ESR1: variants seen among roughly 807,000 people sequenced by gnomAD.
ESR1 encodes the protein estrogen receptor 1.
ESR1 carries 12 observed loss-of-function variants against 52.7 expected under a neutral mutation model. That is an observed-to-expected ratio of 0.23 (90% CI 0.15 to 0.37). The LOEUF (loss-of-function observed/expected upper bound fraction) is 0.37, where lower values mean the gene tolerates loss of function less well. ESR1 is among the 10% of genes least tolerant of loss of function. ESR1 has a pLI of 1.00. For synonymous variants in ESR1, 305 were observed against 316.8 expected, an observed-to-expected ratio of 0.96 and a Z score of 0.39; for missense variants, 584 against 779.7, an observed-to-expected ratio of 0.75 and a Z score of 2.99.
At chr6:152,014,154 C>A (rs1272557357) in intron 5 of ESR1, among the ~76,000 whole-genome samples, 3 of 152,086 alleles carry the variant, frequency 2.0e-5, no homozygotes, top group African/African-American at 7.2e-5. Flanking sequence ...GTGAGGCTTC[C>A]CCAGTCACAA....
At chr6:151,830,728 T>C (rs7761133) in intron 1 of ESR1, among the ~76,000 whole-genome samples, 45,889 of 152,042 alleles carry the variant, frequency 0.3, 9,797 homozygotes, top group African/African-American at 0.61. Flanking sequence ...CTTTTTCCAG[T>C]CTATTCTTGT....
chr6:151,714,055 G>T (rs1780834072), intron 2 of ESR1, among the ~76,000 whole-genome samples: 1 of 152,114 alleles, frequency 6.6e-6, no homozygotes, highest in Admixed American at 6.5e-5. Flanking sequence ...GTTCTCATTG[G>T]TTTCAAAGAA....
chr6:151,916,750 A>C (rs928771588), intron 3 of ESR1, among the ~76,000 whole-genome samples: 1 of 152,202 alleles, frequency 6.6e-6, no homozygotes, highest in African/African-American at 2.4e-5. Flanking sequence ...TAGATAAGAC[A>C]TAAGTTTGTC....
chr6:152,125,414 A>T (rs2053057040), exon 7 of ESR1: 2 of 1,501,360 alleles, frequency 1.3e-6, no homozygotes, highest in Non-Finnish European at 1.8e-6. Flanking sequence ...ACGTGGGGAC[A>T]TTTTGTTTTG....
At chr6:151,842,532 A>T in intron 1 of ESR1, 65 bp from the exon 2 acceptor site, 1 of 1,357,380 alleles carries the variant, frequency 7.4e-7, no homozygotes, top group South Asian at 1.2e-5. Flanking sequence ...GATCTGCTGC[A>T]TCTCCCAGAG....
chr6:151,938,826 A>G lies in ESR1; in HGVS notation c.761-5347A>G, dbSNP rs144323375. ...TGACGAGGATATTATAGTTGCTTTAACCCAAGGAGATGAAATTCAAACTGG... is the reference window on the plus strand; with the variant it reads ...TGACGAGGATATTATAGTTGCTTTAGCCCAAGGAGATGAAATTCAAACTGG... On this transcript the variant is annotated intron_variant, in intron 3 of 7. Coordinates refer to ENST00000206249, the MANE Select transcript of ESR1 (RefSeq NM_000125.4). 2.6e-5 allele frequency among the ~76,000 whole-genome samples: 4 copies of G among 152,266 alleles called. No homozygotes were observed. In the East Asian group the frequency reaches 7.7e-4, roughly 29 times the overall value.
chr6:151,850,797 T>C (rs1469429193), intron 2 of ESR1, among the ~76,000 whole-genome samples: 1 of 152,246 alleles, frequency 6.6e-6, no homozygotes, highest in Non-Finnish European at 1.5e-5. Context: ...AGCTGTTGCA[T>C]AGCTCTATTG....
chr6:151,976,903 A>G (rs1432340052), intron 4 of ESR1, among the ~76,000 whole-genome samples: 1 of 152,066 alleles, frequency 6.6e-6, no homozygotes, highest in Non-Finnish European at 1.5e-5. Flanking sequence ...TACATAGTTA[A>G]AAAAATAAAT....
At chr6:151,975,600 C>T (rs1004635965) in intron 4 of ESR1, among the ~76,000 whole-genome samples, 1 of 152,058 alleles carries the variant, frequency 6.6e-6, no homozygotes. Flanking sequence ...GGCAGAATTC[C>T]GTCCTCTTGG....
At chr6:152,106,446 A>G (rs752313365), downstream of ESR1, among the ~76,000 whole-genome samples, 2 of 152,200 alleles carry the variant, frequency 1.3e-5, no homozygotes, top group Non-Finnish European at 2.9e-5. Flanking sequence ...AAGTGGGTCT[A>G]CTAGTAACGA....
chr6:151,951,634 T>A (rs926916326), intron 4 of ESR1, among the ~76,000 whole-genome samples: 13 of 152,214 alleles, frequency 8.5e-5, no homozygotes, highest in African/African-American at 3.1e-4. Flanking sequence ...CATTTGGTTG[T>A]AATAGGACAT....
At chr6:151,700,668 CTT>C (rs34905961) in intron 1 of ESR1, among the ~76,000 whole-genome samples, 5,126 of 117,140 alleles carry the variant, frequency 0.044, 152 homozygotes, top group African/African-American at 0.14. Context: ...TTAAACTTTC[CTT>C]TTTTTTTTTT....
chr6:151,993,712 G>A (rs2041234839), intron 4 of ESR1, among the ~76,000 whole-genome samples: 1 of 152,110 alleles, frequency 6.6e-6, no homozygotes, highest in African/African-American at 2.4e-5. Context: ...AAACAACCTG[G>A]GAGGAAGCAG....
intron 2 of ESR1, among the ~76,000 whole-genome samples, chr6:151,725,402 T>C (rs1035317309): frequency 1.1e-4 from 16 of 152,220 alleles, no homozygotes; most frequent in Non-Finnish European, 1.5e-4. Context: ...TTTTTTAAAG[T>C]CTTAAATCTT....
chr6:151,708,991 T>C (rs1180606826), intron 2 of ESR1, among the ~76,000 whole-genome samples: 3 of 152,186 alleles, frequency 2.0e-5, no homozygotes, highest in East Asian at 3.8e-4. Flanking sequence ...TTAAAACCTC[T>C]CAGCATTTTT....
intron 4 of ESR1, among the ~76,000 whole-genome samples, chr6:151,964,361 G>A (rs1426122472): frequency 6.6e-6 from 1 of 151,920 alleles, no homozygotes; most frequent in Non-Finnish European, 1.5e-5. Context: ...TCTGTGTTCT[G>A]TAGTTTTTAG....
chr6:152,068,104 C>T (rs1037425693), intron 6 of ESR1, among the ~76,000 whole-genome samples: 1 of 152,226 alleles, frequency 6.6e-6, no homozygotes, highest in African/African-American at 2.4e-5. Context: ...GGGCAGACTC[C>T]TGGCCTCTTT....
At chr6:152,037,600 AG>A (rs1480501392) in intron 5 of ESR1, among the ~76,000 whole-genome samples, 4 of 152,172 alleles carry the variant, frequency 2.6e-5, no homozygotes, top group African/African-American at 9.7e-5. Flanking sequence ...TAGAAAATAA[AG>A]GTAAGTGTTA....
intron 4 of ESR1, among the ~76,000 whole-genome samples, chr6:151,998,901 CT>C (rs1288504877): frequency 6.6e-5 from 10 of 152,162 alleles, no homozygotes; most frequent in African/African-American, 2.2e-4. Context: ...TAAATTTGGA[CT>C]TTTATTGGTA....
Sources: allele counts gnomAD v4.1 joint callset (sites outside exome capture counted in the v4.1 genomes callset), GRCh38; gene constraint gnomAD v4.1.1; transcripts MANE v1.5; gene names NCBI Gene and HGNC (gene_info 2026-07-23, HGNC 2026-07-21).